The following PKD1L3 variants were observed in gnomAD, a reference collection of about 807,000 sequenced individuals.
PKD1L3 encodes the protein polycystin 1 like 3, transient receptor potential channel interacting.
PKD1L3 carries 239 observed loss-of-function variants against 184.1 expected under a neutral mutation model. The observed-to-expected ratio is 1.30, with a 90% CI of 1.17 to 1.45. PKD1L3 has a LOEUF of 1.45. Ranked by LOEUF, PKD1L3 falls within the 40% of genes most tolerant of loss-of-function variation. PKD1L3 has a pLI of 0.00. For missense variants in PKD1L3, 2,660 were observed against 2,067.2 expected (o/e 1.29, Z -5.56); for synonymous variants, 996 against 778.8 (o/e 1.28, Z -4.64).
chr16:71,959,481 A>G (rs2039186540), intron 16 of PKD1L3, among the ~76,000 whole-genome samples: 1 of 152,156 alleles, frequency 6.6e-6, no homozygotes, highest in South Asian at 2.1e-4. Flanking sequence ...AGAGAAATTG[A>G]TATTAATTAT....
intron 2 of PKD1L3, among the ~76,000 whole-genome samples, chr16:71,994,421 C>A (rs1338843453): frequency 6.6e-6 from 1 of 152,202 alleles, no homozygotes; most frequent in Non-Finnish European, 1.5e-5. Context: ...TCTACCAGCA[C>A]CTGTACCTGT....
In PKD1L3 at chr16:71,979,799, C is replaced by T; in HGVS notation, c.1385G>A (p.Gly462Glu). ...ALKELLNKHP[G>E]VNVQITGLAF... is the part of the protein sequence containing the mutation. ...TTTCACACTCACTTGGACATTAACT[C>T]CTGGATGTTTATTCAAGAGCTCCTT... Residue 462 changes from glycine to glutamate, a missense_variant, in exon 9 of 30, where the codon GGA becomes GAA. By Grantham distance (98) the Gly-to-Glu change is moderately conservative. Coordinates refer to ENST00000620267, the MANE Select transcript of PKD1L3 (RefSeq NM_181536.2). The T allele has an allele frequency of 6.6e-7, 1 of 1,506,816 alleles. No homozygotes were observed. The highest frequency in any genetic ancestry group is 1.4e-5 in the African/African-American group (1 of 70,382). 93.3% of individuals were successfully genotyped at this position (1,506,816 alleles called of 1,614,324 possible).
At chr16:71,933,381 T>G (rs907893752) in intron 28 of PKD1L3, 39 bp downstream of exon 28, 1 of 1,437,668 alleles carries the variant, frequency 7.0e-7, no homozygotes, top group African/African-American at 1.4e-5. Flanking sequence ...CCTTGTTCAA[T>G]ATATTGAATT....
intron 2 of PKD1L3, among the ~76,000 whole-genome samples, chr16:71,994,804 G>C (rs1023358269): frequency 2.0e-5 from 3 of 152,074 alleles, no homozygotes; most frequent in Non-Finnish European, 4.4e-5. Context: ...TTCGAGACCA[G>C]CCTGGCCAGG....
At chr16:71,946,930 G>A (rs1272393694) in intron 22 of PKD1L3, among the ~76,000 whole-genome samples, 6 of 148,634 alleles carry the variant, frequency 4.0e-5, no homozygotes, top group Admixed American at 1.3e-4. Context: ...GAGAAAGGGA[G>A]AGAGAGAGGG....
rs1293088528 is a variant in PKD1L3, at chr16:71,969,859, AT to A, written c.2184+15del. ...AAAACATCATGGCAAATCTGTTGAA[AT>A]CAAAGTCTCATTACCTTCTGCATAT... On this transcript the variant is annotated intron_variant, in intron 13 of 29. Coordinates refer to ENST00000620267, the MANE Select transcript of PKD1L3 (RefSeq NM_181536.2). 6.5e-7 allele frequency: 1 copy of A among 1,531,462 alleles called. No homozygotes were observed. Among genetic ancestry groups the A allele is most frequent in the South Asian group, 1.2e-5 (1 of 82,338 alleles). 94.9% of individuals were successfully genotyped at this position (1,531,462 alleles called of 1,614,324 possible).
At chr16:71,969,772 A>G (rs537192369) in intron 13 of PKD1L3, 103 bp downstream of exon 13, 1 of 1,012,288 alleles carries the variant, frequency 9.9e-7, no homozygotes, top group Admixed American at 2.9e-5. Flanking sequence ...TATGCCTCCC[A>G]GTACCAGGCT....
At chr16:71,943,209 C>T (rs117224311) in intron 23 of PKD1L3, among the ~76,000 whole-genome samples, 185 bp from the exon 24 acceptor site, 1 of 152,124 alleles carries the variant, frequency 6.6e-6, no homozygotes, top group East Asian at 1.9e-4. Flanking sequence ...CAGAATTATT[C>T]TGCCACTAAT....
At chr16:71,966,501 A>G (rs1291164618) in intron 15 of PKD1L3, among the ~76,000 whole-genome samples, 1 of 145,598 alleles carries the variant, frequency 6.9e-6, no homozygotes, top group Non-Finnish European at 1.5e-5. Flanking sequence ...AGACATGCTC[A>G]CTGCAGCTTC....
At position 71,946,520 on chromosome 16, in the gene PKD1L3, A is replaced by T. The variant is rs535246488; in HGVS notation, c.3718+972T>A. ...GCCCAAGATTGTGTTTGTGAGGTTC[A>T]TCCAGGTGATAAGTTAGCCCTAGTC... On this transcript the variant is annotated intron_variant, in intron 22 of 29. Coordinates refer to ENST00000620267, the MANE Select transcript of PKD1L3 (RefSeq NM_181536.2). Among the ~76,000 whole-genome samples, 13 of 152,056 alleles carry T rather than the reference A, an allele frequency of 8.5e-5. No individual in the cohort carries two copies. In the South Asian group the frequency reaches 2.7e-3, roughly 32 times the overall value.
At chr16:71,988,328 G>A (rs1415458516) in intron 4 of PKD1L3, among the ~76,000 whole-genome samples, 1 of 152,136 alleles carries the variant, frequency 6.6e-6, no homozygotes, top group African/African-American at 2.4e-5. Flanking sequence ...CCCAGTAGCT[G>A]GGATTACGGG....
In PKD1L3 at chr16:71,949,716, T is replaced by C. The variant is rs190146124; in HGVS notation, c.3618+67A>G. The C allele has an allele frequency of 1.1e-4, 154 of 1,380,056 alleles. No homozygotes were observed. The East Asian group carries it at 3.6e-3, about 33-fold the overall frequency. 85.5% of individuals were successfully genotyped at this position (1,380,056 alleles called of 1,614,324 possible). A position where few individuals can be genotyped will look rare whatever the true frequency, so the allele number is the denominator to read the frequency against. On this transcript the variant is annotated intron_variant, in intron 21 of 29. Coordinates refer to ENST00000620267, the MANE Select transcript of PKD1L3 (RefSeq NM_181536.2). ...GTCAAAACCACTAGGCACCTTGGAT[T>C]GACACCCAGGGACCTCAGTTCCCCT...
intron 13 of PKD1L3, among the ~76,000 whole-genome samples, chr16:71,968,257 GC>G (rs1174120827): frequency 2.0e-5 from 3 of 152,130 alleles, no homozygotes; most frequent in Non-Finnish European, 2.9e-5. Context: ...CAGGTCTTGG[GC>G]CTCTAAATCC....
intron 25 of PKD1L3, among the ~76,000 whole-genome samples, chr16:71,936,946 A>G (rs1222625574): frequency 6.6e-6 from 1 of 152,206 alleles, no homozygotes; most frequent in Non-Finnish European, 1.5e-5. Context: ...AACTGAATTC[A>G]GGTTTCTGAA....
intron 19 of PKD1L3, among the ~76,000 whole-genome samples, chr16:71,950,705 A>G (rs1257801314): frequency 6.6e-6 from 1 of 150,952 alleles, no homozygotes; most frequent in Non-Finnish European, 1.5e-5. Context: ...ATATGTGGGT[A>G]TAATACAGAA....
intron 9 of PKD1L3, among the ~76,000 whole-genome samples, chr16:71,978,727 A>G (rs1196336899): frequency 6.6e-6 from 1 of 151,500 alleles, no homozygotes; most frequent in Non-Finnish European, 1.5e-5. Context: ...TTTAGTAGAG[A>G]CAGGGTTTCG....
chr16:71,985,499 G>A (rs998929450), intron 5 of PKD1L3, among the ~76,000 whole-genome samples: 2 of 152,128 alleles, frequency 1.3e-5, no homozygotes, highest in African/African-American at 2.4e-5. Context: ...GCTCACTGCA[G>A]TCTGGACCTC....
chr16:71,982,121 G>A lies in PKD1L3; in HGVS notation c.1081C>T (p.Leu361Phe), dbSNP rs1283163837. ...TCTCCAGCTTTGGTGACATTGTTGAGGGAATGAAAGGGGCAGACAGTTGGA... is the reference window on the plus strand; with the variant it reads ...TCTCCAGCTTTGGTGACATTGTTGAAGGAATGAAAGGGGCAGACAGTTGGA... ...VPPTVCPFHSLNNVTKAGEGS... is the reference protein window; with the variant it reads ...VPPTVCPFHSFNNVTKAGEGS... The change falls in exon 7 of 30, where the codon CTC becomes TTC. Residue 361 changes from leucine to phenylalanine, a missense_variant. Leu to Phe is a conservative substitution (Grantham distance 22, BLOSUM62 0). Transcript: ENST00000620267. The A allele has an allele frequency of 1.3e-6, 2 of 1,551,758 alleles. No individual in the cohort carries two copies. Among genetic ancestry groups the A allele is most frequent in the African/African-American group, 1.4e-5 (1 of 72,964 alleles).
At chr16:71,998,474 A>G (rs943163197) in intron 1 of PKD1L3, 80 bp from the exon 2 acceptor site, 15 of 1,483,964 alleles carry the variant, frequency 1.0e-5, no homozygotes, top group Middle Eastern at 2.4e-4. Flanking sequence ...TGTTTTTGAG[A>G]CAGTCCCACT....
Sources: gnomAD v4.1 joint callset for allele counts (sites outside exome capture counted in the v4.1 genomes callset) on GRCh38, gnomAD v4.1.1 for gene constraint, MANE v1.5 for transcripts, NCBI Gene and HGNC (gene_info 2026-07-23, HGNC 2026-07-21) for gene names.